GABBR2: variants seen among roughly 807,000 people sequenced by gnomAD.
GABBR2 encodes gamma-aminobutyric acid type B receptor subunit 2.
GABBR2 carries 23 observed loss-of-function variants against 105.6 expected under a neutral mutation model. The observed-to-expected ratio is 0.22, with a 90% CI of 0.16 to 0.31. The LOEUF is 0.31. Among genes scored for constraint, GABBR2 ranks in the 10% least tolerant of loss-of-function variants. GABBR2 has a pLI of 1.00. For missense variants in GABBR2, 734 were observed against 1,245.5 expected, an observed-to-expected ratio of 0.59 and a Z score of 6.18; for synonymous variants, 478 against 499.7, an observed-to-expected ratio of 0.96 and a Z score of 0.58.
At chr9:98,483,766 G>A (rs1014039539) in intron 4 of GABBR2, among the ~76,000 whole-genome samples, 1 of 152,026 alleles carries the variant, frequency 6.6e-6, no homozygotes, top group South Asian at 2.1e-4. Context: ...CCTCTGTTCT[G>A]AGAAACCATC....
intron 13 of GABBR2, among the ~76,000 whole-genome samples, chr9:98,316,215 A>G (rs1830715349): frequency 6.6e-6 from 1 of 151,484 alleles, no homozygotes; most frequent in African/African-American, 2.4e-5. Flanking sequence ...GCAATGGCGC[A>G]ATCTCAGCTC....
At chr9:98,318,630 C>A (rs181858583) in intron 13 of GABBR2, among the ~76,000 whole-genome samples, 41 of 152,240 alleles carry the variant, frequency 2.7e-4, no homozygotes, top group African/African-American at 9.1e-4. Context: ...GCGGGTCACT[C>A]GGACCTTTTA....
intron 1 of GABBR2, among the ~76,000 whole-genome samples, chr9:98,659,284 T>A (rs1830222015): frequency 6.6e-6 from 1 of 152,230 alleles, no homozygotes; most frequent in Non-Finnish European, 1.5e-5. Context: ...ATTTTCCAGC[T>A]GAGCTATTTA....
At chr9:98,310,485 T>TGACCCACCCACCTCGGCCTCTCAA (rs939261108) in intron 14 of GABBR2, among the ~76,000 whole-genome samples, 1 of 152,102 alleles carries the variant, frequency 6.6e-6, no homozygotes, top group Non-Finnish European at 1.5e-5. Flanking sequence ...TGACCTCAGG[T>TGACCCACCCACCTCGGCCTCTCAA]GACCCACCCA....
intron 1 of GABBR2, among the ~76,000 whole-genome samples, chr9:98,675,075 C>T (rs1229131729): frequency 6.6e-6 from 1 of 152,126 alleles, no homozygotes; most frequent in Non-Finnish European, 1.5e-5. Flanking sequence ...CTTAGAGGGT[C>T]TAGGGAAGAG....
chr9:98,572,551 A>G (rs1244294662), intron 2 of GABBR2, among the ~76,000 whole-genome samples: 3 of 152,206 alleles, frequency 2.0e-5, no homozygotes, highest in Non-Finnish European at 4.4e-5. Flanking sequence ...GGGCACCTGT[A>G]GACCCACCCA....
chr9:98,571,062 G>A (rs957904708), intron 2 of GABBR2, among the ~76,000 whole-genome samples: 7 of 152,220 alleles, frequency 4.6e-5, no homozygotes, highest in African/African-American at 1.4e-4. Context: ...GCTGCAGGCC[G>A]GGGGTGGGCA....
In GABBR2 at chr9:98,385,921, G is replaced by A. The variant is rs1042202219; in HGVS notation, c.1530-149C>T. 9.5e-6 allele frequency: 6 copies of A among 634,872 alleles called. No homozygotes were observed. The African/African-American group carries it at 1.1e-4, about 12-fold the overall frequency. 39.3% of individuals were successfully genotyped at this position (634,872 alleles called of 1,614,324 possible). On this transcript the variant is annotated intron_variant, in intron 10 of 18. Coordinates refer to ENST00000259455, the MANE Select transcript of GABBR2 (RefSeq NM_005458.8). Reference sequence around the variant, plus strand: ...AGAAATACGCCATGGGGCCTCAGGGGACACATCAGCAGGAAGTCCCACATT... The same window carrying A: ...AGAAATACGCCATGGGGCCTCAGGGAACACATCAGCAGGAAGTCCCACATT...
chr9:98,538,174 T>G (rs1407164008), intron 3 of GABBR2, among the ~76,000 whole-genome samples: 2 of 152,250 alleles, frequency 1.3e-5, no homozygotes, highest in Non-Finnish European at 2.9e-5. Flanking sequence ...CTTCAGTACC[T>G]GCAAGGTAGG....
intron 5 of GABBR2, among the ~76,000 whole-genome samples, chr9:98,474,931 C>T (rs1038598837): frequency 6.6e-6 from 1 of 152,146 alleles, no homozygotes; most frequent in South Asian, 2.1e-4. Flanking sequence ...CAGTGTGGAG[C>T]AGCTCATTGG....
chr9:98,691,264 C>A (rs1436304844), intron 1 of GABBR2, among the ~76,000 whole-genome samples: 2 of 152,174 alleles, frequency 1.3e-5, no homozygotes, highest in Non-Finnish European at 1.5e-5. Context: ...AGAATACATA[C>A]TCTCATCCTA....
intron 3 of GABBR2, among the ~76,000 whole-genome samples, chr9:98,510,327 TAA>T (rs1827612213): frequency 6.6e-6 from 1 of 152,120 alleles, no homozygotes; most frequent in African/African-American, 2.4e-5. Flanking sequence ...TGCCAAATTG[TAA>T]AGACCATCAA....
chr9:98,496,017 G>A (rs142372092), intron 4 of GABBR2: 226 of 194,188 alleles, frequency 1.2e-3, no homozygotes, highest in African/African-American at 5.1e-3. Flanking sequence ...GAGTGTCACC[G>A]GATAGGGGTC....
chr9:98,365,405 A>G (rs993882686), intron 12 of GABBR2, among the ~76,000 whole-genome samples: 5 of 152,304 alleles, frequency 3.3e-5, no homozygotes, highest in Admixed American at 6.5e-5. Flanking sequence ...GCCAAATGTG[A>G]TACTGCACCT....
intron 2 of GABBR2, among the ~76,000 whole-genome samples, 181 bp from the exon 3 acceptor site, chr9:98,542,224 A>C (rs1648265132): frequency 6.6e-6 from 1 of 152,210 alleles, no homozygotes; most frequent in Non-Finnish European, 1.5e-5. Flanking sequence ...AAGGTTTAAA[A>C]ATGCAAAATA....
intron 7 of GABBR2, among the ~76,000 whole-genome samples, chr9:98,450,868 G>A (rs1826217838): frequency 6.6e-6 from 1 of 152,136 alleles, no homozygotes; most frequent in Non-Finnish European, 1.5e-5. Context: ...TAGATGAAAG[G>A]GAGCATTTAG....
intron 13 of GABBR2, among the ~76,000 whole-genome samples, chr9:98,355,448 T>A (rs760534651): frequency 1.3e-5 from 2 of 152,192 alleles, no homozygotes; most frequent in Non-Finnish European, 2.9e-5. Context: ...AATTGAAATT[T>A]GAAATTAAAA....
At chr9:98,310,254 A>AT (rs200695041) in intron 14 of GABBR2, among the ~76,000 whole-genome samples, 83 of 148,618 alleles carry the variant, frequency 5.6e-4, no homozygotes, top group South Asian at 1.5e-3. Flanking sequence ...GTGATCTTTG[A>AT]TTTTTTTTTT....
intron 1 of GABBR2, among the ~76,000 whole-genome samples, chr9:98,645,597 C>G (rs1042880259): frequency 6.6e-6 from 1 of 152,172 alleles, no homozygotes; most frequent in African/African-American, 2.4e-5. Context: ...GTCCCCACCC[C>G]ACCCCTAAGG....
Sources: allele counts gnomAD v4.1 joint callset (sites outside exome capture counted in the v4.1 genomes callset), GRCh38; gene constraint gnomAD v4.1.1; transcripts MANE v1.5; gene names NCBI Gene and HGNC (gene_info 2026-07-23, HGNC 2026-07-21).